The following CDKAL1 variants were observed in gnomAD, a reference collection of about 807,000 sequenced individuals.
CDKAL1 encodes CDKAL1 threonylcarbamoyladenosine tRNA methylthiotransferase.
CDKAL1 carries 32 observed loss-of-function variants against 68.2 expected under a neutral mutation model. The observed-to-expected ratio is 0.47, with a 90% confidence interval of 0.35 to 0.63. CDKAL1 has a LOEUF of 0.63. Among genes scored for constraint, CDKAL1 ranks in the 30% least tolerant of loss-of-function variants. CDKAL1 has a pLI of 0.00. For synonymous variants in CDKAL1, 234 were observed against 244.3 expected, an observed-to-expected ratio of 0.96 and a Z score of 0.39; for missense variants, 606 against 696.7, an observed-to-expected ratio of 0.87 and a Z score of 1.47.
chr6:20,876,344 G>A (rs981868865), intron 9 of CDKAL1, among the ~76,000 whole-genome samples: 3 of 152,172 alleles, frequency 2.0e-5, no homozygotes, highest in African/African-American at 7.2e-5. Context: ...GTACAAATGC[G>A]GAGGATAGAT....
intron 13 of CDKAL1, among the ~76,000 whole-genome samples, chr6:21,152,596 A>T (rs1426401055): frequency 6.6e-6 from 1 of 152,226 alleles, no homozygotes; most frequent in Non-Finnish European, 1.5e-5. Flanking sequence ...AGGAGCTCGT[A>T]GTCTATGCTA....
At chr6:20,817,651 A>AAAGC (rs1777101381) in intron 8 of CDKAL1, among the ~76,000 whole-genome samples, 1 of 152,190 alleles carries the variant, frequency 6.6e-6, no homozygotes, top group African/African-American at 2.4e-5. Flanking sequence ...TTATTGCTTT[A>AAAGC]AATGACATGG....
intron 2 of CDKAL1, among the ~76,000 whole-genome samples, chr6:20,544,243 A>G (rs1480424451): frequency 6.6e-6 from 1 of 151,988 alleles, no homozygotes; most frequent in Non-Finnish European, 1.5e-5. Flanking sequence ...CCATTGATCT[A>G]TATTTCTATC....
chr6:21,119,102 G>A (rs191629955), intron 13 of CDKAL1, among the ~76,000 whole-genome samples: 103 of 151,806 alleles, frequency 6.8e-4, no homozygotes, highest in African/African-American at 8.0e-4. Flanking sequence ...TCTCCCCTTC[G>A]TCCCGACCAT....
intron 2 of CDKAL1, among the ~76,000 whole-genome samples, chr6:20,541,860 A>C (rs1763401613): frequency 6.6e-6 from 1 of 152,090 alleles, no homozygotes; most frequent in East Asian, 1.9e-4. Context: ...GGGTTTCTCT[A>C]TGTTGGTCAG....
At chr6:20,900,235 T>TA (rs564648450) in intron 9 of CDKAL1, among the ~76,000 whole-genome samples, 80 of 152,052 alleles carry the variant, frequency 5.3e-4, no homozygotes, top group Admixed American at 8.5e-4. Flanking sequence ...CAATCCTTAT[T>TA]AAAAAAAAGG....
intron 11 of CDKAL1, among the ~76,000 whole-genome samples, chr6:21,036,138 A>G (rs1308373156): frequency 6.6e-6 from 1 of 152,192 alleles, no homozygotes; most frequent in Non-Finnish European, 1.5e-5. Flanking sequence ...GTAACTGCAT[A>G]AAGCAGCTTG....
chr6:20,976,344 G>A (rs976568588), intron 10 of CDKAL1, among the ~76,000 whole-genome samples: 1 of 152,056 alleles, frequency 6.6e-6, no homozygotes, highest in African/African-American at 2.4e-5. Context: ...TACAAAGGGG[G>A]TAAATACTGT....
chr6:21,007,839 A>C (rs899985837), intron 11 of CDKAL1, among the ~76,000 whole-genome samples: 1 of 152,204 alleles, frequency 6.6e-6, no homozygotes, highest in African/African-American at 2.4e-5. Flanking sequence ...CCTTGATAGA[A>C]TCCAGGCCAG....
At position 21,093,728 on chromosome 6, in the gene CDKAL1, T is replaced by A. The variant is rs1352119306; in HGVS notation, c.1237-14673T>A. Among the ~76,000 whole-genome samples, 55 of 46,716 alleles carry A rather than the reference T, an allele frequency of 1.2e-3. 2 individuals are homozygous for A. The highest frequency in any genetic ancestry group is 4.9e-3 in the East Asian group (6 of 1,222). The allele number at this position is 46,716 out of a possible 152,430, so 30.6% of individuals were successfully genotyped here. A position where few individuals can be genotyped will look rare whatever the true frequency, so the allele number is the denominator to read the frequency against. On this transcript the variant is annotated intron_variant, in intron 12 of 15. Coordinates refer to ENST00000274695, the MANE Select transcript of CDKAL1 (RefSeq NM_017774.3). ...TTTTTTTTTTTTTTTTTTTTTTTTT[T>A]TTTTTTGGAGACAGGGCCTCTCTGT...
intron 5 of CDKAL1, among the ~76,000 whole-genome samples, chr6:20,698,627 T>C (rs888567340): frequency 2.6e-5 from 4 of 152,222 alleles, no homozygotes; most frequent in Admixed American, 6.5e-5. Context: ...TTGAGAGTTA[T>C]GGACTTTTGG....
intron 15 of CDKAL1, among the ~76,000 whole-genome samples, chr6:21,204,552 T>C (rs1778822886): frequency 6.6e-6 from 1 of 152,200 alleles, no homozygotes; most frequent in Non-Finnish European, 1.5e-5. Flanking sequence ...TCAACATTTA[T>C]GGCGTGCTTA....
intron 12 of CDKAL1, among the ~76,000 whole-genome samples, chr6:21,087,831 C>A (rs200871746): frequency 6.6e-6 from 1 of 151,844 alleles, no homozygotes; most frequent in East Asian, 1.9e-4. Flanking sequence ...AGAAAAAAAA[C>A]AAATTTGTCC....
chr6:20,762,884 C>T (rs1399634304), intron 7 of CDKAL1, among the ~76,000 whole-genome samples: 1 of 152,090 alleles, frequency 6.6e-6, no homozygotes, highest in Non-Finnish European at 1.5e-5. Flanking sequence ...TGCCTCTTAC[C>T]CACCAAGTTA....
At chr6:20,586,955 C>G (rs1173766597) in intron 4 of CDKAL1, among the ~76,000 whole-genome samples, 5 of 148,480 alleles carry the variant, frequency 3.4e-5, no homozygotes, top group African/African-American at 1.2e-4. Flanking sequence ...TTCCCTCATG[C>G]CTGGAATGTT....
At chr6:20,672,761 G>T (rs1295816381) in intron 5 of CDKAL1, among the ~76,000 whole-genome samples, 1 of 152,108 alleles carries the variant, frequency 6.6e-6, no homozygotes, top group Non-Finnish European at 1.5e-5. Flanking sequence ...CTTGGTATTT[G>T]TATTGGTAAA....
chr6:20,631,680 C>G (rs946273199), intron 4 of CDKAL1, among the ~76,000 whole-genome samples: 1 of 152,158 alleles, frequency 6.6e-6, no homozygotes, highest in African/African-American at 2.4e-5. Flanking sequence ...TGGTCCTCTG[C>G]TGAATAATTG....
chr6:20,576,908 G>A (rs545478561), intron 4 of CDKAL1, among the ~76,000 whole-genome samples: 2 of 152,084 alleles, frequency 1.3e-5, no homozygotes, highest in Non-Finnish European at 2.9e-5. Flanking sequence ...TATGGCACAG[G>A]TATATATATA....
chr6:20,798,237 G>C (rs574388304), intron 8 of CDKAL1, among the ~76,000 whole-genome samples: 146 of 152,068 alleles, frequency 9.6e-4, no homozygotes, highest in Non-Finnish European at 1.5e-3. Flanking sequence ...TTTGGGTAAG[G>C]GTATAGCACA....
Sources: allele counts gnomAD v4.1 joint callset (sites outside exome capture counted in the v4.1 genomes callset), GRCh38; gene constraint gnomAD v4.1.1; transcripts MANE v1.5; gene names NCBI Gene and HGNC (gene_info 2026-07-23, HGNC 2026-07-21).